The following ZNF44 variants were observed in gnomAD, a reference collection of about 807,000 sequenced individuals.
The protein encoded by ZNF44 is zinc finger protein 44.
Under a neutral mutation model 11.7 loss-of-function variants are expected in ZNF44, and 9 were observed. The ratio of observed to expected loss-of-function variants is 0.77; its 90% CI spans 0.46 to 1.35. The LOEUF is 1.35. Ranked by LOEUF, ZNF44 falls within the 40% of genes most tolerant of loss-of-function variation. ZNF44 has a pLI of 0.00. For synonymous variants in ZNF44, 224 were observed against 242.7 expected (o/e 0.92, Z 0.72); for missense variants, 696 against 743.1 (o/e 0.94, Z 0.74).
At chr19:12,280,731 G>A (rs2145744201) in intron 1 of ZNF44, among the ~76,000 whole-genome samples, 1 of 152,206 alleles carries the variant, frequency 6.6e-6, no homozygotes, top group South Asian at 2.1e-4. Context: ...GAAAGACACA[G>A]ATACATTAAA....
At chr19:12,271,227 G>A (rs937852159), downstream of ZNF44, among the ~76,000 whole-genome samples, 20 of 152,158 alleles carry the variant, frequency 1.3e-4, no homozygotes, top group African/African-American at 4.8e-4. Flanking sequence ...AAAAGCTTCT[G>A]TGTCATATAA....
chr19:12,249,873 G>A, intron 7 of ZNF44: 1 of 801,792 alleles, frequency 1.2e-6, no homozygotes. Flanking sequence ...TCTAAGAACA[G>A]ATACATTTGA....
chr19:12,291,337 T>A, intron 1 of ZNF44: 1 of 426,438 alleles, frequency 2.3e-6, no homozygotes, highest in Non-Finnish European at 4.6e-6. Flanking sequence ...TATATTCATT[T>A]TTCTGCAGCC....
At chr19:12,247,559 C>T (rs1290321817), downstream of ZNF44, 26 of 1,344,964 alleles carry the variant, frequency 1.9e-5, no homozygotes, top group Non-Finnish European at 2.5e-5. Context: ...TTTCATGTAT[C>T]TGGAAACCTG....
intron 5 of ZNF44, among the ~76,000 whole-genome samples, chr19:12,257,853 C>T (rs189362665): frequency 6.1e-4 from 92 of 150,736 alleles, no homozygotes; most frequent in African/African-American, 2.1e-3. Context: ...CGCCTGTAAT[C>T]CCAGCTACTC....
At chr19:12,247,210 T>C (rs961075107), downstream of ZNF44, 2 of 984,592 alleles carry the variant, frequency 2.0e-6, no homozygotes, top group African/African-American at 3.4e-5. Flanking sequence ...CCCTCCAGTA[T>C]GAACTTTCAT....
At chr19:12,233,639 A>G (rs1258290282) in intron 2 of ZNF44, among the ~76,000 whole-genome samples, 1 of 152,074 alleles carries the variant, frequency 6.6e-6, no homozygotes, top group African/African-American at 2.4e-5. Context: ...CAAAGTGTAC[A>G]TTATAAATAT....
intron 5 of ZNF44, among the ~76,000 whole-genome samples, chr19:12,256,850 G>A (rs915544201): frequency 5.9e-5 from 9 of 151,742 alleles, no homozygotes; most frequent in Non-Finnish European, 1.0e-4. Context: ...GATTACAGGC[G>A]CTCACCATCA....
chr19:12,286,686 C>G (rs1233068187), intron 1 of ZNF44, among the ~76,000 whole-genome samples: 7 of 150,980 alleles, frequency 4.6e-5, no homozygotes, highest in African/African-American at 1.7e-4. Flanking sequence ...TGCAGTGGCT[C>G]ACATCTGTAA....
chr19:12,258,908 C>T (rs979786966), intron 5 of ZNF44, among the ~76,000 whole-genome samples: 1 of 151,994 alleles, frequency 6.6e-6, no homozygotes, highest in African/African-American at 2.4e-5. Context: ...GTTGTCTCAC[C>T]CTGTCACCCA....
rs1555737045 is a variant in ZNF44 at position 12,253,187 on chromosome 19, C to CA, written c.1913-2820_1913-2819insT. On this transcript the variant is annotated intron_variant and NMD_transcript_variant, in intron 5 of 7. Transcript: ENST00000393337. ...TACAGGCGTAAGCCACTGCACCTGGCTTTTTTTTTTTTTTTTTTTTGAGAC... is the reference window on the plus strand; with the variant it reads ...TACAGGCGTAAGCCACTGCACCTGGCATTTTTTTTTTTTTTTTTTTTGAGAC... Among the ~76,000 whole-genome samples, 146 of 110,248 alleles carry CA rather than the reference C, an allele frequency of 1.3e-3. 1 individual carries two copies. The highest frequency in any genetic ancestry group is 5.8e-4 in the Non-Finnish European group (31 of 53,708). The allele number at this position is 110,248 out of a possible 152,430, so 72.3% of individuals were successfully genotyped here. A position where few individuals can be genotyped will look rare whatever the true frequency, so the allele number is the denominator to read the frequency against.
chr19:12,294,831 G>T lies in ZNF44; in HGVS notation c.-137C>A. 1.0e-6 allele frequency: 1 copy of T among 999,040 alleles called. No homozygotes were observed. Among genetic ancestry groups the T allele is most frequent in the Non-Finnish European group, 1.4e-6 (1 of 711,146 alleles). 61.9% of individuals were successfully genotyped at this position (999,040 alleles called of 1,614,324 possible). A position where few individuals can be genotyped will look rare whatever the true frequency, so the allele number is the denominator to read the frequency against. ...GAACAGAGGTCACCAGGGTGAAGAG[G>T]CCACTAGCTCCTGGAACGTCACACC... On this transcript the variant is annotated 5_prime_UTR_variant, in exon 1 of 4. Coordinates refer to ENST00000355684, the MANE Select transcript of ZNF44 (RefSeq NM_016264.4).
At chr19:12,260,639 C>G in intron 5 of ZNF44, 2 of 614,086 alleles carry the variant, frequency 3.3e-6, no homozygotes, top group South Asian at 4.1e-5. Context: ...AAAACAAAAA[C>G]ACAGGTAGGT....
At chr19:12,279,864 T>TAAAAAA (rs60621062) in intron 1 of ZNF44, among the ~76,000 whole-genome samples, 1 of 121,306 alleles carries the variant, frequency 8.2e-6, no homozygotes, top group Admixed American at 7.9e-5. Context: ...TGGTCTGAGT[T>TAAAAAA]AAAAAAAAAA....
chr19:12,264,161 A>T (rs1917635905), intron 5 of ZNF44, among the ~76,000 whole-genome samples: 1 of 152,140 alleles, frequency 6.6e-6, no homozygotes, highest in South Asian at 2.1e-4. Context: ...CAACCCCAGA[A>T]GTATCACGCT....
chr19:12,271,932 CA>C lies in ZNF44; in HGVS notation c.*474del, dbSNP rs1257382223. 6.6e-6 allele frequency: 1 copy of C among 152,090 alleles called. No individual in the cohort carries two copies. The highest frequency in any genetic ancestry group is 6.6e-5 in the Admixed American group (1 of 15,246). 9.4% of individuals were successfully genotyped at this position (152,090 alleles called of 1,614,324 possible). On this transcript the variant is annotated 3_prime_UTR_variant, in exon 4 of 4. Transcript: ENST00000355684. ...TGGCATCTGTGGATTTAGGTATACTCAGGGTGTACTGGAACCAATCTTCTTG... is the reference window on the plus strand; with the variant it reads ...TGGCATCTGTGGATTTAGGTATACTCGGGTGTACTGGAACCAATCTTCTTG...
chr19:12,247,917 A>C (rs1916823209), exon 8 of ZNF44: 2 of 1,344,802 alleles, frequency 1.5e-6, no homozygotes, highest in Non-Finnish European at 2.0e-6. Context: ...GTGGTAACTG[A>C]AGGCTTTCCC....
chr19:12,253,690 G>A (rs1167616374), intron 5 of ZNF44, among the ~76,000 whole-genome samples: 1 of 151,996 alleles, frequency 6.6e-6, no homozygotes, highest in African/African-American at 2.4e-5. Flanking sequence ...AAAAAAACAG[G>A]AAGGACAGGC....
In ZNF44 at chr19:12,254,737, A is replaced by T. The variant is rs1056013818; in HGVS notation, c.1913-4369T>A. Among the ~76,000 whole-genome samples the T allele has an allele frequency of 7.9e-5, 12 of 151,412 alleles. No homozygotes were observed. In the South Asian group the frequency reaches 8.3e-4, roughly 11 times the overall value. ...GCGACAGAGCGAGACTCCATCTCAA[A>T]AATAATAATAATAATAATAAAATAA... On this transcript the variant is annotated intron_variant and NMD_transcript_variant, in intron 5 of 7. Transcript: ENST00000393337.
Sources: gnomAD v4.1 joint callset for allele counts (sites outside exome capture counted in the v4.1 genomes callset) on GRCh38, gnomAD v4.1.1 for gene constraint, MANE v1.5 for transcripts, NCBI Gene and HGNC (gene_info 2026-07-23, HGNC 2026-07-21) for gene names.